LRP2: variants seen among roughly 807,000 people sequenced by gnomAD.
LRP2 encodes LDL receptor related protein 2.
A neutral mutation model predicts 531.0 loss-of-function variants in LRP2; 172 were observed. That is an observed-to-expected ratio of 0.32 (90% CI 0.29 to 0.37). The LOEUF (loss-of-function observed/expected upper bound fraction) is 0.37. LRP2 is among the 10% of genes least tolerant of loss of function. The pLI is 1.00. For missense variants in LRP2, 5,167 were observed against 5,868.3 expected, an observed-to-expected ratio of 0.88 and a Z score of 3.90; for synonymous variants, 1,992 against 2,027.6, an observed-to-expected ratio of 0.98 and a Z score of 0.47.
At chr2:169,281,820 A>C (rs1683712424) in intron 10 of LRP2, among the ~76,000 whole-genome samples, 1 of 152,128 alleles carries the variant, frequency 6.6e-6, no homozygotes, top group Non-Finnish European at 1.5e-5. Flanking sequence ...CAGTACATTC[A>C]CAAGATGCAG....
intron 75 of LRP2, 50 bp from the exon 76 acceptor site, chr2:169,137,543 G>A (rs1685560112): frequency 8.7e-7 from 1 of 1,147,594 alleles, no homozygotes; most frequent in South Asian, 1.2e-5. Flanking sequence ...GAAACAGAGA[G>A]AGAGATTACA....
Position 169,138,665 on chromosome 2 carries a change from A to G in LRP2, c.13430T>C (p.Val4477Ala). 6.2e-7 allele frequency: 1 copy of G among 1,614,042 alleles called. No homozygotes were observed. Among genetic ancestry groups the G allele is most frequent in the Non-Finnish European group, 8.5e-7 (1 of 1,179,940 alleles). Reference protein sequence around the residue: ...LVKPSENGNGVTFRSGADLNM... With the variant: ...LVKPSENGNGATFRSGADLNM... ...AAGATCTGCCCCTGATCTGAAGGTC[A>G]CCCCATTCCCATTTTCAGAGGGCTT... Residue 4477 changes from valine (V) to alanine (A), a missense_variant, in exon 75 of 79, where the codon GTG becomes GCG. By Grantham distance (64) the Val-to-Ala change is moderately conservative (BLOSUM62 0). Transcript: ENST00000649046.
chr2:169,279,899 A>G (rs1683655324), intron 11 of LRP2, among the ~76,000 whole-genome samples: 1 of 152,242 alleles, frequency 6.6e-6, no homozygotes, highest in Non-Finnish European at 1.5e-5. Context: ...AGACAGTGAA[A>G]CAAAATTTGG....
At chr2:169,355,192 G>C (rs1398922296) in intron 1 of LRP2, among the ~76,000 whole-genome samples, 1 of 152,084 alleles carries the variant, frequency 6.6e-6, no homozygotes, top group African/African-American at 2.4e-5. Context: ...TAAACTTAAA[G>C]TTGCAACATG....
intron 37 of LRP2, among the ~76,000 whole-genome samples, 180 bp from the exon 38 acceptor site, chr2:169,209,821 C>A (rs998791179): frequency 6.6e-6 from 1 of 152,090 alleles, no homozygotes; most frequent in African/African-American, 2.4e-5. Context: ...TCTACTCTTT[C>A]CCACAATAAG....
intron 9 of LRP2, among the ~76,000 whole-genome samples, chr2:169,285,568 C>T (rs1683833297): frequency 6.6e-6 from 1 of 152,120 alleles, no homozygotes; most frequent in Non-Finnish European, 1.5e-5. Flanking sequence ...TGTCTCCTCC[C>T]ACCAACAAAT....
intron 67 of LRP2, 23 bp downstream of exon 67, chr2:169,152,776 G>T: frequency 6.2e-7 from 1 of 1,613,592 alleles, no homozygotes; most frequent in Non-Finnish European, 8.5e-7. Context: ...AACAGGTAAG[G>T]GGGGAATGTA....
At chr2:169,294,867 A>G (rs1368143049) in intron 4 of LRP2, among the ~76,000 whole-genome samples, 157 bp from the exon 5 acceptor site, 1 of 146,710 alleles carries the variant, frequency 6.8e-6, no homozygotes, top group Non-Finnish European at 1.5e-5. Flanking sequence ...CTTCATGGAG[A>G]GTAAGGCTGG....
chr2:169,331,548 C>A (rs1481812600), intron 1 of LRP2, among the ~76,000 whole-genome samples: 1 of 152,174 alleles, frequency 6.6e-6, no homozygotes, highest in East Asian at 1.9e-4. Flanking sequence ...AAGCTCAAGA[C>A]TTTCTTCTCC....
chr2:169,156,517 A>G (rs1686337257), intron 64 of LRP2, 112 bp from the exon 65 acceptor site: 1 of 1,168,724 alleles, frequency 8.6e-7, no homozygotes, highest in Non-Finnish European at 1.3e-6. Flanking sequence ...AAGGGTACAG[A>G]TGAAAATAAG....
rs369518840 is a variant in LRP2 at position 169,275,194 on chromosome 2, C to T, written c.1817G>A (p.Gly606Glu). 1 of 1,613,736 alleles carries T rather than the reference C, an allele frequency of 6.2e-7. No individual in the cohort carries two copies. Among genetic ancestry groups the T allele is most frequent in the Non-Finnish European group, 8.5e-7 (1 of 1,179,818 alleles). Residue 606 changes from glycine to glutamate, a missense_variant, in exon 14 of 79, where the codon GGA becomes GAA. By Grantham distance (98) the Gly-to-Glu change is moderately conservative. Coordinates refer to ENST00000649046, the MANE Select transcript of LRP2 (RefSeq NM_004525.3). ...HGGSLIPHPF[G>E]VSLFEGQVFF... The stretch of plus-strand genomic sequence containing the variant: ...CACCTGACCTTCAAATAAGCTTACT[C>T]CAAAGGGATGAGGAATGAGGGAGCC...
chr2:169,170,422 T>C, intron 59 of LRP2, 129 bp downstream of exon 59: 1 of 780,314 alleles, frequency 1.3e-6, no homozygotes, highest in Middle Eastern at 2.3e-4. Context: ...GATACTGTGT[T>C]ATGCTAAGGT....
rs368152650 is a variant in LRP2 at position 169,226,861 on chromosome 2, T to G, written c.5228-273A>C. Among the ~76,000 whole-genome samples, 28 of 152,154 alleles carry G rather than the reference T, an allele frequency of 1.8e-4. 3 individuals are homozygous for G. Among genetic ancestry groups the G allele is most frequent in the African/African-American group, 6.7e-4 (28 of 41,492 alleles). ...ATCTTACTCTTCATTAAGTCCTTAC[T>G]TACACTAATAAACCACCCATGTTTG... is the stretch of plus-strand genomic sequence containing the variant. On this transcript the variant is annotated intron_variant, in intron 31 of 78. Transcript: ENST00000649046.
intron 1 of LRP2, among the ~76,000 whole-genome samples, chr2:169,351,659 G>A (rs1037188902): frequency 6.6e-6 from 1 of 152,182 alleles, no homozygotes. Context: ...AAGAGGAGAA[G>A]ATATAAGGAA....
intron 1 of LRP2, among the ~76,000 whole-genome samples, chr2:169,332,574 C>T (rs1685295265): frequency 6.6e-6 from 1 of 152,122 alleles, no homozygotes; most frequent in Non-Finnish European, 1.5e-5. Flanking sequence ...TGGCAACTCA[C>T]CCTTATTTAG....
At chr2:169,240,327 G>A (rs1441060182) in intron 25 of LRP2, among the ~76,000 whole-genome samples, 1 of 152,190 alleles carries the variant, frequency 6.6e-6, no homozygotes, top group East Asian at 1.9e-4. Flanking sequence ...CCCTAAGACA[G>A]TTCACATGCC....
chr2:169,350,344 G>T (rs1294087781), intron 1 of LRP2, among the ~76,000 whole-genome samples: 1 of 152,138 alleles, frequency 6.6e-6, no homozygotes, highest in East Asian at 1.9e-4. Flanking sequence ...GGATATGTGG[G>T]TCTAGACTAT....
At chr2:169,334,888 TC>T (rs1685362796) in intron 1 of LRP2, among the ~76,000 whole-genome samples, 1 of 152,210 alleles carries the variant, frequency 6.6e-6, no homozygotes, top group Non-Finnish European at 1.5e-5. Context: ...CAGCCGTCCC[TC>T]CATGAAGGGT....
chr2:169,233,336 A>C, intron 30 of LRP2, 75 bp downstream of exon 30: 1 of 1,506,620 alleles, frequency 6.6e-7, no homozygotes, highest in Non-Finnish European at 9.2e-7. Flanking sequence ...GGTCTGTAAC[A>C]GTGTGCATTT....
Sources: allele counts gnomAD v4.1 joint callset (sites outside exome capture counted in the v4.1 genomes callset), GRCh38; gene constraint gnomAD v4.1.1; transcripts MANE v1.5; gene names NCBI Gene and HGNC (gene_info 2026-07-23, HGNC 2026-07-21).